The following CRACD variants were observed in gnomAD, a reference collection of about 807,000 sequenced individuals.
The protein encoded by CRACD is capping protein-inhibiting regulator of actin dynamics.
In CRACD, 56 loss-of-function variants were observed where a neutral mutation model predicts 106.8. The observed-to-expected ratio is 0.52, with a 90% CI of 0.42 to 0.66. The LOEUF is 0.66. Ranked by LOEUF, CRACD falls within the 30% of genes least tolerant of loss-of-function variation. CRACD has a pLI of 0.00. For missense variants in CRACD, 1,730 were observed against 1,623.2 expected, an observed-to-expected ratio of 1.07 and a Z score of -1.13; for synonymous variants, 754 against 670.8, an observed-to-expected ratio of 1.12 and a Z score of -1.92.
chr4:56,268,855 C>A (rs1742185662), intron 2 of CRACD, among the ~76,000 whole-genome samples: 1 of 152,196 alleles, frequency 6.6e-6, no homozygotes, highest in Admixed American at 6.5e-5. Context: ...GATTATAGTT[C>A]TTAAATATTA....
At chr4:56,081,858 C>T (rs1733043847) in intron 1 of CRACD, among the ~76,000 whole-genome samples, 1 of 152,074 alleles carries the variant, frequency 6.6e-6, no homozygotes. Context: ...CGCCCGTAAT[C>T]CCAGCTACTT....
At chr4:56,283,351 T>A (rs1260921653) in intron 3 of CRACD, among the ~76,000 whole-genome samples, 1 of 152,226 alleles carries the variant, frequency 6.6e-6, no homozygotes, top group Non-Finnish European at 1.5e-5. Flanking sequence ...GCTGTTTTTT[T>A]GGTCACTTAG....
At chr4:56,266,962 A>C (rs1440029833) in intron 2 of CRACD, among the ~76,000 whole-genome samples, 1 of 152,194 alleles carries the variant, frequency 6.6e-6, no homozygotes, top group African/African-American at 2.4e-5. Context: ...CTAGTTTATA[A>C]AATTTTATTT....
chr4:56,076,849 G>C (rs1418725054), intron 1 of CRACD, among the ~76,000 whole-genome samples: 1 of 152,194 alleles, frequency 6.6e-6, no homozygotes, highest in Non-Finnish European at 1.5e-5. Flanking sequence ...GCATCCAGCA[G>C]AGTGCAAAAA....
At chr4:56,121,756 C>A (rs1297402246) in intron 1 of CRACD, among the ~76,000 whole-genome samples, 5 of 152,188 alleles carry the variant, frequency 3.3e-5, no homozygotes, top group Admixed American at 1.3e-4. Context: ...TCCACTTCCA[C>A]AGATGTATCA....
chr4:56,260,827 C>T (rs1741651027), intron 2 of CRACD, among the ~76,000 whole-genome samples: 2 of 152,168 alleles, frequency 1.3e-5, no homozygotes, highest in Non-Finnish European at 2.9e-5. Flanking sequence ...TATGAGCCAA[C>T]TCCTTGCAAT....
intron 2 of CRACD, among the ~76,000 whole-genome samples, chr4:56,272,086 G>T (rs1363238792): frequency 6.6e-6 from 1 of 152,210 alleles, no homozygotes; most frequent in Non-Finnish European, 1.5e-5. Flanking sequence ...TTTCTTGGGA[G>T]CCTGGGGGAC....
At chr4:56,112,319 A>T (rs1044261640) in intron 1 of CRACD, among the ~76,000 whole-genome samples, 2 of 152,130 alleles carry the variant, frequency 1.3e-5, no homozygotes, top group Non-Finnish European at 2.9e-5. Context: ...TCAGGTAAGG[A>T]TTTTTAAAGG....
At chr4:56,161,922 C>A (rs1735974030) in intron 1 of CRACD, among the ~76,000 whole-genome samples, 1 of 151,932 alleles carries the variant, frequency 6.6e-6, no homozygotes, top group Non-Finnish European at 1.5e-5. Context: ...TGCCACCATA[C>A]CCAGCTAATT....
At chr4:56,253,096 TC>T (rs1741143136) in intron 2 of CRACD, among the ~76,000 whole-genome samples, 1 of 152,120 alleles carries the variant, frequency 6.6e-6, no homozygotes, top group Non-Finnish European at 1.5e-5. Flanking sequence ...AGCATGTTCT[TC>T]CCTAGGAGTA....
rs1240885014 is a variant in CRACD, at chr4:56,057,603, C to CAGAGGATTTCAG, written c.-336+8306_-336+8317dup. On this transcript the variant is annotated intron_variant, in intron 1 of 10. Coordinates refer to ENST00000682029, the MANE Select transcript of CRACD (RefSeq NM_001393381.1). ...CACTTTCATATGTACTTCCTATTAC[C>CAGAGGATTTCAG]AGAGGATTTCAGATAGGTTGGGTTT... Among the ~76,000 whole-genome samples, 193 of 149,716 alleles carry CAGAGGATTTCAG rather than the reference C, an allele frequency of 1.3e-3. 1 individual carries two copies. The highest frequency in any genetic ancestry group is 2.4e-3 in the Admixed American group (36 of 15,058).
chr4:56,324,165 C>G lies in CRACD; in HGVS notation c.3440C>G (p.Ser1147Cys), dbSNP rs1479532454. The G allele has an allele frequency of 1.2e-6, 2 of 1,614,188 alleles. No homozygotes were observed. Among genetic ancestry groups the G allele is most frequent in the African/African-American group, 1.3e-5 (1 of 75,078 alleles). The stretch of plus-strand genomic sequence containing the variant: ...AGCAGAGCAGGTTCCCTGCACAAGT[C>G]CACTGCTCTGCCAGAAGAGAAGAGG... ...SVSRAGSLHK[S>C]TALPEEKRPE... The change falls in exon 10 of 11, where the codon TCC (serine) becomes TGC (cysteine). Residue 1147 changes from serine to cysteine, a missense_variant. Transcript: ENST00000682029.
At chr4:56,181,053 G>T (rs1441891762) in intron 2 of CRACD, among the ~76,000 whole-genome samples, 2 of 152,208 alleles carry the variant, frequency 1.3e-5, no homozygotes, top group African/African-American at 4.8e-5. Context: ...TATTTTTGAT[G>T]TTTGTTCACA....
intron 1 of CRACD, among the ~76,000 whole-genome samples, chr4:56,151,089 C>T (rs986867133): frequency 5.3e-5 from 8 of 152,174 alleles, no homozygotes; most frequent in African/African-American, 1.9e-4. Context: ...TTCTGCCTCC[C>T]GGGTTCCAGC....
chr4:56,135,432 A>G (rs947382782), intron 1 of CRACD, among the ~76,000 whole-genome samples: 5 of 152,244 alleles, frequency 3.3e-5, no homozygotes, highest in Non-Finnish European at 5.9e-5. Flanking sequence ...GGACTAGGCC[A>G]GGTGGCATGA....
In CRACD at chr4:56,315,632, G is replaced by A. The variant is rs1745574938; in HGVS notation, c.2130G>A (p.Arg710=). ...GGTGTGATTCCCGCGGGAACCAACG[G>A]AAGACTCCGCCAGTCAATGCAAAGT... ...RGRCDSRGNQ[R]KTPPVNAKFS... is the part of the protein sequence containing the mutation. The change falls in exon 8 of 11, where the codon CGG becomes CGA. Residue 710 remains arginine, a synonymous_variant. Coordinates refer to ENST00000682029, the MANE Select transcript of CRACD (RefSeq NM_001393381.1). The surrounding 1 kb of genome is among the most constrained non-coding windows in gnomAD (Gnocchi z 4.1). The A allele has an allele frequency of 6.2e-7, 1 of 1,614,100 alleles. No individual in the cohort carries two copies. The highest frequency in any genetic ancestry group is 1.7e-5 in the Admixed American group (1 of 60,010).
chr4:56,159,301 A>G (rs1028401192), intron 1 of CRACD, among the ~76,000 whole-genome samples: 2 of 152,228 alleles, frequency 1.3e-5, no homozygotes, highest in African/African-American at 2.4e-5. Flanking sequence ...AGTCAGCTAT[A>G]TACAACCTTT....
intron 1 of CRACD, among the ~76,000 whole-genome samples, chr4:56,063,860 A>C (rs1732369472): frequency 6.6e-6 from 1 of 152,148 alleles, no homozygotes; most frequent in African/African-American, 2.4e-5. Flanking sequence ...GATATATATG[A>C]AGGAATGGAA....
chr4:56,300,177 A>G (rs73163657), intron 4 of CRACD, among the ~76,000 whole-genome samples: 3,215 of 152,266 alleles, frequency 0.021, 135 homozygotes, highest in African/African-American at 0.071. Context: ...TCTTGTTTCT[A>G]TGGAGCGTAG....
Sources: allele counts gnomAD v4.1 joint callset (sites outside exome capture counted in the v4.1 genomes callset), GRCh38; gene constraint gnomAD v4.1.1; non-coding constraint Gnocchi (gnomAD v3.1); transcripts MANE v1.5; gene names NCBI Gene and HGNC (gene_info 2026-07-23, HGNC 2026-07-21).